The following PPFIA2 variants were observed in gnomAD, a reference collection of about 807,000 sequenced individuals.
The protein encoded by PPFIA2 is PPFI scaffold protein A2.
In PPFIA2, 46 loss-of-function variants were observed where a neutral mutation model predicts 175.5. The ratio of observed to expected loss-of-function variants is 0.26; its 90% CI spans 0.21 to 0.34. The LOEUF (loss-of-function observed/expected upper bound fraction) is 0.34, where lower values mean the gene tolerates loss of function less well. Ranked by LOEUF, PPFIA2 falls within the 10% of genes least tolerant of loss-of-function variation. The pLI is 1.00. For missense variants in PPFIA2, 1,179 were observed against 1,506.1 expected (o/e 0.78, Z 3.60); for synonymous variants, 568 against 511.4 (o/e 1.11, Z -1.49).
In PPFIA2 at chr12:81,360,199, A is replaced by C. The variant is rs771943094; in HGVS notation, c.1638-1982T>G. ...TCCAGTTCTCTGAGCTAGTTCTCTA[A>C]CAGGAGAAAACAGAGGCAATATTAT... On this transcript the variant is annotated intron_variant, in intron 15 of 32. Coordinates refer to ENST00000549396, the MANE Select transcript of PPFIA2 (RefSeq NM_003625.5). Among the ~76,000 whole-genome samples, 11 of 151,936 alleles carry C rather than the reference A, an allele frequency of 7.2e-5. No individual in the cohort carries two copies. The South Asian group carries it at 8.3e-4, about 11-fold the overall frequency.
At chr12:81,662,234 AC>A (rs2069033505) in intron 4 of PPFIA2, among the ~76,000 whole-genome samples, 2 of 152,274 alleles carry the variant, frequency 1.3e-5, no homozygotes, top group East Asian at 1.9e-4. Flanking sequence ...ACATAAAAAA[AC>A]CCTTCAAAAA....
chr12:81,754,788 T>C (rs1233096682), intron 2 of PPFIA2, among the ~76,000 whole-genome samples: 2 of 152,208 alleles, frequency 1.3e-5, no homozygotes, highest in East Asian at 3.8e-4. Flanking sequence ...AGCTTTTACT[T>C]TGTTTTTTAG....
At chr12:81,558,452 G>A (rs1048735709) in intron 4 of PPFIA2, among the ~76,000 whole-genome samples, 7 of 152,080 alleles carry the variant, frequency 4.6e-5, no homozygotes, top group Non-Finnish European at 8.8e-5. Flanking sequence ...AGAAAATTCA[G>A]GCAATCAAAA....
intron 20 of PPFIA2, among the ~76,000 whole-genome samples, chr12:81,339,725 A>C (rs1210369721): frequency 1.3e-5 from 2 of 152,068 alleles, no homozygotes; most frequent in African/African-American, 2.4e-5. Context: ...TACAGCAAGG[A>C]ACTGAAATAT....
chr12:81,730,808 C>T (rs1189519441), intron 3 of PPFIA2, among the ~76,000 whole-genome samples: 3 of 151,354 alleles, frequency 2.0e-5, no homozygotes, highest in Non-Finnish European at 4.4e-5. Flanking sequence ...TGTTATTACC[C>T]TAAACCTGAG....
intron 4 of PPFIA2, among the ~76,000 whole-genome samples, chr12:81,647,558 G>A (rs915551594): frequency 2.6e-5 from 4 of 151,512 alleles, no homozygotes; most frequent in Non-Finnish European, 2.9e-5. Flanking sequence ...TCAGGAGATC[G>A]AGACCATCCT....
chr12:81,369,775 C>A (rs964657763), intron 11 of PPFIA2, among the ~76,000 whole-genome samples: 3 of 151,598 alleles, frequency 2.0e-5, no homozygotes, highest in African/African-American at 7.3e-5. Flanking sequence ...TGACACCAAA[C>A]AGAACATAGC....
At chr12:81,497,556 T>TTTTTTTTTG (rs1567072879) in intron 4 of PPFIA2, among the ~76,000 whole-genome samples, 2 of 142,088 alleles carry the variant, frequency 1.4e-5, no homozygotes, top group African/African-American at 2.6e-5. Context: ...TTTTTTTTTT[T>TTTTTTTTTG]GGGGCAGAGT....
intron 4 of PPFIA2, among the ~76,000 whole-genome samples, chr12:81,577,996 T>C (rs2073846408): frequency 6.6e-6 from 1 of 151,752 alleles, no homozygotes; most frequent in African/African-American, 2.4e-5. Context: ...GGAATCTTTC[T>C]ATTACGAGAA....
intron 4 of PPFIA2, among the ~76,000 whole-genome samples, chr12:81,614,701 C>T (rs1356849145): frequency 6.6e-6 from 1 of 152,124 alleles, no homozygotes; most frequent in East Asian, 1.9e-4. Flanking sequence ...CAATCACTCT[C>T]TTGTTTTATT....
intron 19 of PPFIA2, among the ~76,000 whole-genome samples, chr12:81,341,890 A>G (rs2058154423): frequency 6.6e-6 from 1 of 152,166 alleles, no homozygotes; most frequent in African/African-American, 2.4e-5. Context: ...TGAGAAGTTG[A>G]TAAAATATAA....
At chr12:81,516,651 A>G (rs1286091118) in intron 4 of PPFIA2, among the ~76,000 whole-genome samples, 1 of 152,176 alleles carries the variant, frequency 6.6e-6, no homozygotes, top group Non-Finnish European at 1.5e-5. Flanking sequence ...GAGGCAATCA[A>G]AAGTTCAAAG....
At chr12:81,294,533 CGAAG>C (rs10541019) in intron 24 of PPFIA2, 115,132 of 227,262 alleles carry the variant, frequency 0.51, 31,392 homozygotes, top group East Asian at 0.85. Context: ...AACAAAGGAA[CGAAG>C]GAAGGAAGGA....
chr12:81,284,505 G>T, intron 24 of PPFIA2: 1 of 530,352 alleles, frequency 1.9e-6, no homozygotes, highest in East Asian at 2.9e-5. Context: ...ACTAGAAAGA[G>T]GCATTCTGTG....
intron 4 of PPFIA2, chr12:81,598,291 C>A (rs2059461035): frequency 1.6e-6 from 2 of 1,219,134 alleles, no homozygotes; most frequent in Non-Finnish European, 2.0e-6. Flanking sequence ...ATTAAAAACA[C>A]AGAAGGAAAA....
rs2034383737 is a variant in PPFIA2 at position 81,258,090 on chromosome 12, C to A, written c.*1604G>T. 1 of 152,016 alleles carries A rather than the reference C, an allele frequency of 6.6e-6. No individual in the cohort carries two copies. Among genetic ancestry groups the A allele is most frequent in the Non-Finnish European group, 1.5e-5 (1 of 67,974 alleles). 9.4% of individuals were successfully genotyped at this position (152,016 alleles called of 1,614,324 possible). Reference sequence around the variant, plus strand: ...CTACTTCTCATTGTTCCTACTCAGGCCACATTTTTAGAAAAAAATTTTAAG... The same window carrying A: ...CTACTTCTCATTGTTCCTACTCAGGACACATTTTTAGAAAAAAATTTTAAG... On this transcript the variant is annotated 3_prime_UTR_variant, in exon 33 of 33. Transcript: ENST00000549396.
chr12:81,284,894 C>T (rs1164129354), intron 24 of PPFIA2, among the ~76,000 whole-genome samples: 2 of 152,098 alleles, frequency 1.3e-5, no homozygotes, highest in East Asian at 3.9e-4. Context: ...TCCCTGAATT[C>T]TTGCAGCTGA....
At chr12:81,651,893 C>CT in intron 4 of PPFIA2, among the ~76,000 whole-genome samples, 1 of 152,134 alleles carries the variant, frequency 6.6e-6, no homozygotes, top group Non-Finnish European at 1.5e-5. Context: ...ATAGCATCCC[C>CT]TTGTGATTAA....
intron 22 of PPFIA2, among the ~76,000 whole-genome samples, chr12:81,311,010 A>G (rs2050636560): frequency 6.6e-6 from 1 of 152,194 alleles, no homozygotes; most frequent in African/African-American, 2.4e-5. Flanking sequence ...ATTGATAAAA[A>G]ATAACACTGC....
Sources: gnomAD v4.1 joint callset for allele counts (sites outside exome capture counted in the v4.1 genomes callset) on GRCh38, gnomAD v4.1.1 for gene constraint, MANE v1.5 for transcripts, NCBI Gene and HGNC (gene_info 2026-07-23, HGNC 2026-07-21) for gene names.